Variants in FMN1 observed in about 807,000 individuals in gnomAD.
FMN1 encodes formin-1.
In FMN1, 110 loss-of-function variants were observed where a neutral mutation model predicts 132.4. The ratio of observed to expected loss-of-function variants is 0.83; its 90% CI spans 0.71 to 0.97. The LOEUF is 0.97. FMN1 is among the 50% of genes least tolerant of loss of function. FMN1 has a pLI of 0.00. For missense variants in FMN1, 1,792 were observed against 1,705.3 expected (o/e 1.05, Z -0.90); for synonymous variants, 722 against 651.7 (o/e 1.11, Z -1.64).
At chr15:33,069,894 T>G (rs1393179508) in intron 5 of FMN1, among the ~76,000 whole-genome samples, 1 of 151,874 alleles carries the variant, frequency 6.6e-6, no homozygotes, top group Non-Finnish European at 1.5e-5. Flanking sequence ...ACAAGATTCT[T>G]GTCTAGAGGA....
intron 2 of FMN1, among the ~76,000 whole-genome samples, chr15:33,189,328 G>A (rs1010019350): frequency 6.6e-6 from 1 of 152,162 alleles, no homozygotes; most frequent in Non-Finnish European, 1.5e-5. Flanking sequence ...TGCCAATTCT[G>A]TAGATGAAAT....
At position 32,964,258 on chromosome 15, in the gene FMN1, C is replaced by T; in HGVS notation, c.2988-1G>A. 1.3e-6 allele frequency: 2 copies of T among 1,559,992 alleles called. No individual in the cohort carries two copies. The highest frequency in any genetic ancestry group is 1.7e-6 in the Non-Finnish European group (2 of 1,151,070). On this transcript the variant is annotated splice_acceptor_variant, in intron 8 of 20. Coordinates refer to ENST00000616417, the MANE Select transcript of FMN1 (RefSeq NM_001277313.2). LOFTEE classifies it high-confidence loss of function. ...CCATAAGGTTGGTGTAGCATTTTGG[C>T]TTAAAAGAGAAAATGACAAGTTAAC... is the stretch of plus-strand genomic sequence containing the variant.
At chr15:32,788,439 C>G (rs1418571104) in intron 19 of FMN1, among the ~76,000 whole-genome samples, 1 of 152,200 alleles carries the variant, frequency 6.6e-6, no homozygotes, top group African/African-American at 2.4e-5. Flanking sequence ...GCAAGCTCCC[C>G]CTTTTGGTTT....
In FMN1 at chr15:32,817,148, G is replaced by A. The variant is rs574280290; in HGVS notation, c.3929-12816C>T. 1.5e-4 allele frequency among the ~76,000 whole-genome samples: 23 copies of A among 152,290 alleles called. No individual in the cohort carries two copies. In the East Asian group the frequency reaches 1.7e-3, roughly 11 times the overall value. On this transcript the variant is annotated intron_variant, in intron 17 of 20. Transcript: ENST00000616417. ...GACATCTGTGTAGCTTAACACATTTGTTAAATAGCTGAAGCTCTCCCTCTA... is the reference window on the plus strand; with the variant it reads ...GACATCTGTGTAGCTTAACACATTTATTAAATAGCTGAAGCTCTCCCTCTA...
chr15:33,074,189 G>C (rs533649456), intron 5 of FMN1, among the ~76,000 whole-genome samples: 1 of 152,188 alleles, frequency 6.6e-6, no homozygotes, highest in Non-Finnish European at 1.5e-5. Flanking sequence ...TATGCTGTGG[G>C]ATCTTACCTT....
intron 6 of FMN1, among the ~76,000 whole-genome samples, chr15:33,014,299 C>T (rs2034910060): frequency 6.6e-6 from 1 of 152,184 alleles, no homozygotes; most frequent in Admixed American, 6.5e-5. Flanking sequence ...CTTCTTGAGG[C>T]TTGCAGATGC....
Position 32,969,015 on chromosome 15 carries a change from G to T in FMN1, c.2686C>A (p.Pro896Thr). The change falls in exon 8 of 21, where the codon CCT becomes ACT. Residue 896 changes from proline (P) to threonine (T), a missense_variant. Coordinates refer to ENST00000616417, the MANE Select transcript of FMN1 (RefSeq NM_001277313.2). ...GGTAGCGGTGGCCCAGCACTCACAGGTGGCATTGGAGGTGCGGGAGACAAA... is the reference window on the plus strand; with the variant it reads ...GGTAGCGGTGGCCCAGCACTCACAGTTGGCATTGGAGGTGCGGGAGACAAA... ...GSLSPAPPMP[P>T]VSAGPPLPPP... 1 of 1,281,018 alleles carries T rather than the reference G, an allele frequency of 7.8e-7. No homozygotes were observed. The highest frequency in any genetic ancestry group is 2.2e-5 in the Admixed American group (1 of 46,364). 79.4% of individuals were successfully genotyped at this position (1,281,018 alleles called of 1,614,324 possible). A position where few individuals can be genotyped will look rare whatever the true frequency, so the allele number is the denominator to read the frequency against.
chr15:32,937,032 C>T (rs2061292265), intron 9 of FMN1, among the ~76,000 whole-genome samples: 1 of 152,156 alleles, frequency 6.6e-6, no homozygotes, highest in African/African-American at 2.4e-5. Context: ...CTCTGAAAAG[C>T]CAGAGCATTG....
chr15:32,849,473 T>TA (rs201218360), intron 17 of FMN1, among the ~76,000 whole-genome samples: 7,627 of 151,614 alleles, frequency 0.05, 647 homozygotes, highest in African/African-American at 0.18. Context: ...ACTTTTTTTT[T>TA]AAAAAAGATG....
chr15:32,798,753 C>T (rs1207927853), intron 19 of FMN1, 51 bp downstream of exon 19: 4 of 1,490,910 alleles, frequency 2.7e-6, no homozygotes, highest in Non-Finnish European at 3.7e-6. Context: ...TTTAAGAGTG[C>T]AGTTTCCTAG....
intron 4 of FMN1, among the ~76,000 whole-genome samples, chr15:33,116,281 A>G (rs978327734): frequency 2.5e-4 from 38 of 152,196 alleles, no homozygotes; most frequent in African/African-American, 8.9e-4. Context: ...AACTCTTTTA[A>G]AGTATCCTTG....
intron 6 of FMN1, among the ~76,000 whole-genome samples, chr15:33,061,627 A>C (rs1350465584): frequency 1.3e-5 from 2 of 152,106 alleles, no homozygotes; most frequent in Admixed American, 6.5e-5. Context: ...ATATAAGGAA[A>C]TCCAAAAACA....
intron 6 of FMN1, chr15:33,012,322 A>G: frequency 1.2e-6 from 1 of 800,968 alleles, no homozygotes; most frequent in Admixed American, 1.7e-5. Flanking sequence ...TGGAGGAGGC[A>G]GATGCAGCCA....
At chr15:33,144,173 C>A (rs1368727350) in intron 4 of FMN1, among the ~76,000 whole-genome samples, 1 of 152,188 alleles carries the variant, frequency 6.6e-6, no homozygotes, top group Non-Finnish European at 1.5e-5. Context: ...GTCAGACATA[C>A]CATTCCAATT....
intron 16 of FMN1, among the ~76,000 whole-genome samples, chr15:32,883,111 C>T (rs1267554592): frequency 6.6e-6 from 1 of 152,174 alleles, no homozygotes; most frequent in Non-Finnish European, 1.5e-5. Context: ...CTTAGCATTC[C>T]TCCCTCCTAC....
intron 5 of FMN1, chr15:33,066,504 T>A (rs2141253317): frequency 6.6e-7 from 1 of 1,511,544 alleles, no homozygotes; most frequent in Admixed American, 2.4e-5. Flanking sequence ...AACCCAATTC[T>A]ACATACACTT....
intron 4 of FMN1, among the ~76,000 whole-genome samples, chr15:33,113,480 A>AT (rs2039793459): frequency 6.6e-6 from 1 of 152,108 alleles, no homozygotes; most frequent in Non-Finnish European, 1.5e-5. Flanking sequence ...ATAGGGTACG[A>AT]TATAGACAAT....
intron 5 of FMN1, among the ~76,000 whole-genome samples, chr15:33,074,844 C>T (rs575342769): frequency 6.6e-6 from 1 of 151,614 alleles, no homozygotes; most frequent in Admixed American, 6.6e-5. Context: ...GGTGGAACTC[C>T]GTCTCTACTA....
chr15:32,964,530 G>C (rs2030997961), intron 8 of FMN1, among the ~76,000 whole-genome samples: 1 of 152,182 alleles, frequency 6.6e-6, no homozygotes, highest in Non-Finnish European at 1.5e-5. Flanking sequence ...CTTAGGACTA[G>C]AAATCCTGGG....
Sources: gnomAD v4.1 joint callset for allele counts (sites outside exome capture counted in the v4.1 genomes callset) on GRCh38, gnomAD v4.1.1 for gene constraint, MANE v1.5 for transcripts, NCBI Gene and HGNC (gene_info 2026-07-23, HGNC 2026-07-21) for gene names.